PRKCH: variants seen among roughly 807,000 people sequenced by gnomAD.
PRKCH encodes protein kinase C eta.
Under a neutral mutation model 82.5 loss-of-function variants are expected in PRKCH, and 28 were observed. The ratio of observed to expected loss-of-function variants is 0.34; its 90% CI spans 0.25 to 0.47. The LOEUF (loss-of-function observed/expected upper bound fraction) is 0.47, where lower values mean the gene tolerates loss of function less well. PRKCH is among the 20% of genes least tolerant of loss of function. The pLI, the probability that PRKCH is intolerant of heterozygous loss-of-function variation, is 1.00. For synonymous variants in PRKCH, 322 were observed against 327.4 expected, an observed-to-expected ratio of 0.98 and a Z score of 0.18; for missense variants, 705 against 881.8, an observed-to-expected ratio of 0.80 and a Z score of 2.54.
At position 61,254,614 on chromosome 14, in the gene PRKCH, CAAAACAAAAT is replaced by C. The variant is rs151040500; in HGVS notation, c.-19+66956_-19+66965del. 7.4e-3 allele frequency among the ~76,000 whole-genome samples: 1,126 copies of C among 152,028 alleles called. 38 individuals carry two copies. In the East Asian group the frequency reaches 0.11, roughly 14 times the overall value. On this transcript the variant is annotated intron_variant, in intron 1 of 3. Coordinates refer to the PRKCH transcript ENST00000555185. ...CCGGTGACAGACCCTGTTTAAAAAA[CAAAACAAAAT>C]AAAACAAAACAAACAAACAAACATA...
At chr14:61,512,454 C>T (rs1010634090) in intron 10 of PRKCH, among the ~76,000 whole-genome samples, 12 of 152,054 alleles carry the variant, frequency 7.9e-5, no homozygotes, top group South Asian at 2.1e-4. Flanking sequence ...TTTTGACTTA[C>T]TGACTTTCAA....
intron 2 of PRKCH, among the ~76,000 whole-genome samples, chr14:61,442,022 T>C (rs975200249): frequency 3.3e-5 from 5 of 152,194 alleles, no homozygotes; most frequent in African/African-American, 4.8e-5. Context: ...TATAATTTCC[T>C]TTGTAACAGG....
intron 2 of PRKCH, among the ~76,000 whole-genome samples, chr14:61,421,877 C>T (rs1283371987): frequency 6.6e-6 from 1 of 152,138 alleles, no homozygotes; most frequent in Non-Finnish European, 1.5e-5. Flanking sequence ...GAGGCTTCTC[C>T]AGTAAGGCAT....
At chr14:61,311,541 G>C (rs1262619705) in intron 1 of PRKCH, among the ~76,000 whole-genome samples, 2 of 152,166 alleles carry the variant, frequency 1.3e-5, no homozygotes, top group Non-Finnish European at 2.9e-5. Context: ...CGTCCAAACT[G>C]TTCCAACGTC....
chr14:61,490,735 G>C (rs1886416511), intron 10 of PRKCH, among the ~76,000 whole-genome samples: 1 of 152,148 alleles, frequency 6.6e-6, no homozygotes, highest in African/African-American at 2.4e-5. Context: ...GCAACATAAG[G>C]AGACCCTGTC....
intron 1 of PRKCH, among the ~76,000 whole-genome samples, chr14:61,361,570 A>G (rs187817669): frequency 9.8e-5 from 15 of 152,290 alleles, no homozygotes; most frequent in Admixed American, 5.2e-4. Flanking sequence ...TATAGCCTTT[A>G]TTGTCCTCTT....
chr14:61,422,572 T>C (rs1882895733), intron 2 of PRKCH, among the ~76,000 whole-genome samples: 2 of 152,224 alleles, frequency 1.3e-5, no homozygotes, highest in South Asian at 4.1e-4. Context: ...TCACTGTCTC[T>C]GTATGTGCTC....
chr14:61,313,655 C>T (rs190153308), intron 1 of PRKCH, among the ~76,000 whole-genome samples: 3 of 152,238 alleles, frequency 2.0e-5, no homozygotes, highest in Non-Finnish European at 2.9e-5. Context: ...ACTCATAGTT[C>T]CATGTGGCTG....
At chr14:61,194,056 C>T (rs1457908336) in intron 1 of PRKCH, among the ~76,000 whole-genome samples, 3 of 152,104 alleles carry the variant, frequency 2.0e-5, no homozygotes, top group Non-Finnish European at 4.4e-5. Context: ...TCTTTCTCTC[C>T]TTTCTTGTCT....
At chr14:61,262,775 A>G (rs76788097) in intron 1 of PRKCH, among the ~76,000 whole-genome samples, 8,092 of 152,264 alleles carry the variant, frequency 0.053, 272 homozygotes, top group East Asian at 0.11. Context: ...GAGGAAATCA[A>G]AAAATAGGGA....
chr14:61,231,826 A>C (rs1196128467), intron 1 of PRKCH, among the ~76,000 whole-genome samples: 2 of 152,086 alleles, frequency 1.3e-5, no homozygotes. Flanking sequence ...CATGGGTGTG[A>C]TGATGTTGAA....
intron 10 of PRKCH, among the ~76,000 whole-genome samples, chr14:61,500,200 G>A (rs1328829986): frequency 1.3e-5 from 2 of 151,662 alleles, no homozygotes; most frequent in African/African-American, 4.9e-5. Flanking sequence ...CTTCTTTTGG[G>A]TAAGACTTGG....
chr14:61,351,832 C>T (rs1306661732), intron 1 of PRKCH, among the ~76,000 whole-genome samples: 1 of 152,120 alleles, frequency 6.6e-6, no homozygotes, highest in African/African-American at 2.4e-5. Flanking sequence ...TTGGCAATGG[C>T]TCCTTGCATC....
At chr14:61,225,010 C>T (rs1361718979) in intron 1 of PRKCH, among the ~76,000 whole-genome samples, 1 of 152,192 alleles carries the variant, frequency 6.6e-6, no homozygotes. Flanking sequence ...GGTTACTGGG[C>T]TTTTGCTCTG....
chr14:61,228,087 G>A (rs2044711846), intron 1 of PRKCH, among the ~76,000 whole-genome samples: 1 of 152,124 alleles, frequency 6.6e-6, no homozygotes, highest in Non-Finnish European at 1.5e-5. Context: ...TGCATTTTCT[G>A]AGTCATGGGT....
At position 61,234,934 on chromosome 14, in the gene PRKCH, A is replaced by C. The variant is rs185896262; in HGVS notation, c.-19+47266A>C. On this transcript the variant is annotated intron_variant, in intron 1 of 3. Transcript: ENST00000555185. ...TTTGCTGACAAACAGAGCAGTTTTT[A>C]TTGGCATTTTGTGTCCCAGAAGACG... Among the ~76,000 whole-genome samples, 80 of 152,278 alleles carry C rather than the reference A, an allele frequency of 5.3e-4. 1 individual carries two copies. The highest frequency in any genetic ancestry group is 4.4e-3 in the Admixed American group (67 of 15,302).
chr14:61,501,830 C>T (rs957687519), intron 10 of PRKCH, among the ~76,000 whole-genome samples: 1 of 152,112 alleles, frequency 6.6e-6, no homozygotes, highest in Admixed American at 6.5e-5. Context: ...TCTTCATACC[C>T]TTGTCCCCAG....
intron 5 of PRKCH, among the ~76,000 whole-genome samples, chr14:61,449,816 G>A (rs1231920676): frequency 6.6e-6 from 1 of 151,280 alleles, no homozygotes; most frequent in African/African-American, 2.4e-5. Context: ...TAAAAAGATT[G>A]CTGGCTTTCT....
chr14:61,425,146 G>A (rs75459925), intron 2 of PRKCH, among the ~76,000 whole-genome samples: 1 of 152,260 alleles, frequency 6.6e-6, no homozygotes, highest in Non-Finnish European at 1.5e-5. Context: ...CAAAGGGAAA[G>A]TGAGGGGTTG....
Sources: allele counts gnomAD v4.1 joint callset (sites outside exome capture counted in the v4.1 genomes callset), GRCh38; gene constraint gnomAD v4.1.1; transcripts MANE v1.5; gene names NCBI Gene and HGNC (gene_info 2026-07-23, HGNC 2026-07-21).